HPSE2: variants seen among roughly 807,000 people sequenced by gnomAD.
The protein encoded by HPSE2 is inactive heparanase-2.
A neutral mutation model predicts 60.5 loss-of-function variants in HPSE2; 38 were observed. The ratio of observed to expected loss-of-function variants is 0.63; its 90% CI spans 0.48 to 0.82. The LOEUF (loss-of-function observed/expected upper bound fraction) is 0.82. Ranked by LOEUF, HPSE2 falls within the 40% of genes least tolerant of loss-of-function variation. The pLI is 0.00. For missense variants in HPSE2, 713 were observed against 740.4 expected, an observed-to-expected ratio of 0.96 and a Z score of 0.43; for synonymous variants, 295 against 293.2, an observed-to-expected ratio of 1.01 and a Z score of -0.06.
intron 5 of HPSE2, among the ~76,000 whole-genome samples, chr10:98,718,417 A>G (rs992900795): frequency 2.6e-5 from 4 of 152,178 alleles, no homozygotes; most frequent in African/African-American, 9.6e-5. Context: ...AAAAAAGCTT[A>G]CCCAGCAATC....
intron 2 of HPSE2, among the ~76,000 whole-genome samples, chr10:99,172,226 T>C (rs1379551620): frequency 6.6e-6 from 1 of 152,150 alleles, no homozygotes; most frequent in Non-Finnish European, 1.5e-5. Flanking sequence ...ACTGCTGCCA[T>C]CTTGAAAACA....
chr10:98,466,264 T>C lies in HPSE2; in HGVS notation c.1614-6525A>G, dbSNP rs565634622. ...AGCAGCCTTGGGAGCTGGTGTGTAG[T>C]TCAGGCTGGCATAGCATATTTTGGG... On this transcript the variant is annotated intron_variant, in intron 11 of 11. Coordinates refer to ENST00000370552, the MANE Select transcript of HPSE2 (RefSeq NM_021828.5). Among the ~76,000 whole-genome samples the C allele has an allele frequency of 8.5e-5, 13 of 152,252 alleles. No homozygotes were observed. The South Asian group carries it at 2.7e-3, about 32-fold the overall frequency.
chr10:99,181,638 C>T (rs529043981), intron 2 of HPSE2, among the ~76,000 whole-genome samples: 21 of 152,040 alleles, frequency 1.4e-4, no homozygotes, highest in Non-Finnish European at 2.6e-4. Context: ...GAACAGAAAA[C>T]CAAACACTGC....
chr10:98,851,956 A>C (rs1260022372), intron 3 of HPSE2, among the ~76,000 whole-genome samples: 1 of 151,698 alleles, frequency 6.6e-6, no homozygotes, highest in Non-Finnish European at 1.5e-5. Flanking sequence ...AGGAAGGGAA[A>C]TTAAAAATGA....
At chr10:99,294,650 T>C in the HPSE2 span, among the ~76,000 whole-genome samples, 1 of 151,634 alleles carries the variant, frequency 6.6e-6, no homozygotes. Flanking sequence ...AAAGTACACT[T>C]TGGCCGGGCG....
At chr10:98,579,992 T>C (rs934748280) in intron 9 of HPSE2, among the ~76,000 whole-genome samples, 4 of 152,216 alleles carry the variant, frequency 2.6e-5, no homozygotes, top group African/African-American at 4.8e-5. Context: ...TTGTGGACTT[T>C]CATGTCTGAA....
chr10:98,466,333 G>C (rs966242132), intron 11 of HPSE2, among the ~76,000 whole-genome samples: 4 of 152,142 alleles, frequency 2.6e-5, no homozygotes, highest in Admixed American at 2.6e-4. Context: ...ATTGGTTCTG[G>C]CCAGGTGCGG....
At chr10:98,664,518 C>T (rs779622333) in intron 6 of HPSE2, among the ~76,000 whole-genome samples, 29 of 152,116 alleles carry the variant, frequency 1.9e-4, no homozygotes, top group Non-Finnish European at 3.5e-4. Context: ...TCTTCCAAGG[C>T]CCAGGAATGG....
intron 3 of HPSE2, among the ~76,000 whole-genome samples, chr10:99,141,220 C>G (rs1196913151): frequency 3.9e-5 from 6 of 152,094 alleles, no homozygotes; most frequent in Non-Finnish European, 8.8e-5. Flanking sequence ...GAGTGACATG[C>G]ACAATAACAA....
intron 9 of HPSE2, among the ~76,000 whole-genome samples, chr10:98,582,678 T>C (rs529242200): frequency 4.6e-5 from 7 of 152,356 alleles, no homozygotes; most frequent in Non-Finnish European, 8.8e-5. Flanking sequence ...CGTATTCTTT[T>C]ATGGCATAAC....
chr10:99,132,154 A>G (rs1338375284), intron 3 of HPSE2, among the ~76,000 whole-genome samples: 39 of 7,214 alleles, frequency 5.4e-3, no homozygotes, highest in African/African-American at 9.5e-3. Flanking sequence ...AGGAAGAAAG[A>G]AAGAAAGAAA....
At chr10:98,653,474 A>G (rs1323808109) in intron 6 of HPSE2, among the ~76,000 whole-genome samples, 1 of 149,512 alleles carries the variant, frequency 6.7e-6, no homozygotes, top group Admixed American at 6.7e-5. Flanking sequence ...ATTTTATATA[A>G]TTACATTTTA....
intron 3 of HPSE2, among the ~76,000 whole-genome samples, chr10:99,122,058 T>C (rs1844975108): frequency 6.6e-6 from 1 of 152,120 alleles, no homozygotes; most frequent in Non-Finnish European, 1.5e-5. Flanking sequence ...TATAAAATTA[T>C]GTATATGTAT....
intron 9 of HPSE2, among the ~76,000 whole-genome samples, chr10:98,589,116 C>T (rs1054094226): frequency 3.3e-5 from 5 of 152,138 alleles, no homozygotes; most frequent in East Asian, 3.9e-4. Flanking sequence ...AGTGTAAGGA[C>T]GATGGGTGCA....
chr10:98,696,179 T>C (rs547276079), intron 5 of HPSE2, among the ~76,000 whole-genome samples: 1 of 150,520 alleles, frequency 6.6e-6, no homozygotes, highest in South Asian at 2.1e-4. Context: ...AACAAATGTT[T>C]ACATGGAATT....
chr10:98,490,000 T>A (rs1301760885), intron 10 of HPSE2, 51 bp downstream of exon 10: 2 of 1,609,984 alleles, frequency 1.2e-6, no homozygotes, highest in Admixed American at 3.3e-5. Context: ...CCAAATGGTA[T>A]GGGGTGGGAG....
chr10:98,603,041 G>A (rs1565005209), intron 9 of HPSE2, among the ~76,000 whole-genome samples: 1 of 152,126 alleles, frequency 6.6e-6, no homozygotes, highest in Admixed American at 6.5e-5. Context: ...CCATATATGA[G>A]GAGTTTAGAA....
At chr10:99,149,601 A>G (rs1846183899) in intron 2 of HPSE2, among the ~76,000 whole-genome samples, 1 of 152,228 alleles carries the variant, frequency 6.6e-6, no homozygotes, top group Non-Finnish European at 1.5e-5. Context: ...CATATTAGGA[A>G]TTCAACAAGT....
chr10:98,919,812 AAG>A (rs1447832349), intron 3 of HPSE2, among the ~76,000 whole-genome samples: 3 of 152,206 alleles, frequency 2.0e-5, no homozygotes, highest in Non-Finnish European at 4.4e-5. Context: ...AGAAGGAACG[AAG>A]AGGTTTTTAT....
Sources: gnomAD v4.1 joint callset for allele counts (sites outside exome capture counted in the v4.1 genomes callset) on GRCh38, gnomAD v4.1.1 for gene constraint, MANE v1.5 for transcripts, NCBI Gene and HGNC (gene_info 2026-07-23, HGNC 2026-07-21) for gene names.